AMD1: variants seen among roughly 807,000 people sequenced by gnomAD.
AMD1 encodes S-adenosylmethionine decarboxylase proenzyme.
In AMD1, 11 loss-of-function variants were observed where a neutral mutation model predicts 40.2. The observed-to-expected ratio is 0.27, with a 90% CI of 0.17 to 0.45. The LOEUF is 0.45. Among genes scored for constraint, AMD1 ranks in the 20% least tolerant of loss-of-function variants. The probability of loss-of-function intolerance (pLI) is 1.00; values close to 1 mark genes in which losing one functional copy is unlikely to be tolerated. For missense variants in AMD1, 257 were observed against 410.2 expected (o/e 0.63, Z 3.23); for synonymous variants, 121 against 130.8 (o/e 0.93, Z 0.51).
At chr6:110,889,221 TC>T in intron 3 of AMD1, 1 of 277,510 alleles carries the variant, frequency 3.6e-6, no homozygotes, top group Non-Finnish European at 6.7e-6. Context: ...GCCAGACACT[TC>T]CAGTAGTTAA....
chr6:110,888,712 G>A (rs1020224649), intron 2 of AMD1, 145 bp from the exon 3 acceptor site: 14 of 738,814 alleles, frequency 1.9e-5, no homozygotes, highest in East Asian at 1.1e-4. Context: ...ACTAGAAAAG[G>A]AAAAGAATAA....
At chr6:110,886,126 G>A (rs137937435) in intron 1 of AMD1, among the ~76,000 whole-genome samples, 31 of 151,416 alleles carry the variant, frequency 2.0e-4, no homozygotes, top group African/African-American at 7.3e-4. Flanking sequence ...GTGGTGGCAC[G>A]TGCCTGTAAT....
the AMD1 span, among the ~76,000 whole-genome samples, chr6:110,852,056 G>GT: frequency 0.022 from 3,019 of 137,602 alleles, 101 homozygotes; most frequent in African/African-American, 0.069. Flanking sequence ...AGATTTTTTT[G>GT]TTTTTTTTTT....
the AMD1 span, chr6:110,864,069 C>T: frequency 9.6e-4 from 226 of 234,898 alleles, no homozygotes; most frequent in South Asian, 1.8e-3. Flanking sequence ...AAGTGATTCT[C>T]CTGCCTCAGC....
At chr6:110,842,805 A>G in the AMD1 span, among the ~76,000 whole-genome samples, 1 of 152,176 alleles carries the variant, frequency 6.6e-6, no homozygotes, top group Non-Finnish European at 1.5e-5. Context: ...GACCTCAAAC[A>G]ATTCCCACAG....
At chr6:110,826,855 C>A in the AMD1 span, among the ~76,000 whole-genome samples, 1 of 151,920 alleles carries the variant, frequency 6.6e-6, no homozygotes, top group Non-Finnish European at 1.5e-5. Context: ...CCAGACCTGG[C>A]TAATTTTTGT....
chr6:110,857,624 G>GTATATATATAGATGGTA, the AMD1 span, among the ~76,000 whole-genome samples: 2 of 135,368 alleles, frequency 1.5e-5, no homozygotes, highest in Non-Finnish European at 1.6e-5. Context: ...TATATAGGTG[G>GTATATATATAGATGGTA]TATATATATA....
the AMD1 span, among the ~76,000 whole-genome samples, chr6:110,828,841 C>T: frequency 6.6e-6 from 1 of 152,154 alleles, no homozygotes; most frequent in Non-Finnish European, 1.5e-5. Flanking sequence ...TACCTCCCCT[C>T]AACTAGGTTG....
intron 1 of AMD1, among the ~76,000 whole-genome samples, chr6:110,882,067 C>T (rs1785437964): frequency 6.6e-6 from 1 of 152,120 alleles, no homozygotes; most frequent in Admixed American, 6.5e-5. Flanking sequence ...TTGTAGTGTA[C>T]TTGGGAGTGA....
intron 1 of AMD1, among the ~76,000 whole-genome samples, chr6:110,883,324 T>G (rs182199291): frequency 6.6e-6 from 1 of 152,144 alleles, no homozygotes; most frequent in Non-Finnish European, 1.5e-5. Context: ...TTTCCTGTTT[T>G]TTTTCCCCTG....
chr6:110,844,519 C>A, the AMD1 span, among the ~76,000 whole-genome samples: 1 of 151,966 alleles, frequency 6.6e-6, no homozygotes, highest in African/African-American at 2.4e-5. Context: ...TGGTGGCTCA[C>A]GCCTGTAATC....
At chr6:110,848,503 A>T in the AMD1 span, 1 of 230,186 alleles carries the variant, frequency 4.3e-6, no homozygotes, top group East Asian at 1.5e-4. Context: ...TGGGTGACAG[A>T]GTGAGACTCC....
chr6:110,816,402 A>G, the AMD1 span, among the ~76,000 whole-genome samples: 1 of 152,202 alleles, frequency 6.6e-6, no homozygotes, highest in Non-Finnish European at 1.5e-5. Context: ...CTCAGGACAC[A>G]CTACCCCAAA....
intron 1 of AMD1, among the ~76,000 whole-genome samples, chr6:110,878,104 G>A (rs1785207643): frequency 2.0e-5 from 3 of 152,210 alleles, no homozygotes; most frequent in African/African-American, 7.2e-5. Flanking sequence ...TCTAGGCCCA[G>A]ATGATTTCAC....
chr6:110,881,582 G>T (rs1562336084), intron 1 of AMD1, among the ~76,000 whole-genome samples: 1 of 152,082 alleles, frequency 6.6e-6, no homozygotes, highest in African/African-American at 2.4e-5. Flanking sequence ...TTGGGAGGCC[G>T]AGGCGGGTGG....
intron 1 of AMD1, chr6:110,875,534 C>T (rs904583347): frequency 6.7e-5 from 16 of 238,278 alleles, no homozygotes; most frequent in Non-Finnish European, 1.3e-4. Flanking sequence ...GTTTTGCGGC[C>T]CGCGCCTCCC....
At chr6:110,863,723 G>T in the AMD1 span, 2 of 223,146 alleles carry the variant, frequency 9.0e-6, no homozygotes, top group Non-Finnish European at 8.9e-6. Flanking sequence ...GGGTGTGTAG[G>T]GCTGATTTCT....
At chr6:110,860,874 G>C in the AMD1 span, among the ~76,000 whole-genome samples, 289 of 134,172 alleles carry the variant, frequency 2.2e-3, no homozygotes, top group African/African-American at 5.1e-3. Flanking sequence ...CACACACAGA[G>C]AGAGAGAACA....
At chr6:110,882,118 C>T (rs1297775576) in intron 1 of AMD1, among the ~76,000 whole-genome samples, 1 of 152,202 alleles carries the variant, frequency 6.6e-6, no homozygotes, top group Non-Finnish European at 1.5e-5. Flanking sequence ...CCTGATAAAA[C>T]ATTCTAGCTT....
Sources: allele counts gnomAD v4.1 joint callset (sites outside exome capture counted in the v4.1 genomes callset), GRCh38; gene constraint gnomAD v4.1.1; transcripts MANE v1.5; gene names NCBI Gene and HGNC (gene_info 2026-07-23, HGNC 2026-07-21).